The following WDR75 variants were observed in gnomAD, a reference collection of about 807,000 sequenced individuals.
WDR75 encodes the protein WD repeat domain 75, also known as WD repeat-containing protein 75.
A neutral mutation model predicts 106.1 loss-of-function variants in WDR75; 52 were observed. The ratio of observed to expected loss-of-function variants is 0.49; its 90% CI spans 0.39 to 0.62. The LOEUF (loss-of-function observed/expected upper bound fraction) is 0.62. Ranked by LOEUF, WDR75 falls within the 20% of genes least tolerant of loss-of-function variation. WDR75 has a pLI of 0.00. For missense variants in WDR75, 905 were observed against 970.3 expected, an observed-to-expected ratio of 0.93 and a Z score of 0.89; for synonymous variants, 333 against 335.5, an observed-to-expected ratio of 0.99 and a Z score of 0.08.
At chr2:189,446,714 C>G (rs572225210) in intron 1 of WDR75, among the ~76,000 whole-genome samples, 1 of 152,272 alleles carries the variant, frequency 6.6e-6, no homozygotes, top group Admixed American at 6.5e-5. Context: ...TGCCTAGAAC[C>G]ACAGGTAATA....
At chr2:189,462,791 C>G in intron 9 of WDR75, 149 bp downstream of exon 9, 1 of 671,864 alleles carries the variant, frequency 1.5e-6, no homozygotes. Flanking sequence ...CCTCTCTTTT[C>G]CACCCCTCTC....
Position 189,441,584 on chromosome 2 carries a change from A to AG in WDR75, c.86+10dup. The AG allele has an allele frequency of 6.4e-7, 1 of 1,553,838 alleles. No homozygotes were observed. Among genetic ancestry groups the AG allele is most frequent in the Non-Finnish European group, 8.7e-7 (1 of 1,147,952 alleles). ...GTGTTCTCTGCAGATTCTAAGTATG[A>AG]GGGGCACCGCGCTTTGTCGGCTGAG... On this transcript the variant is annotated splice_region_variant and intron_variant, in intron 1 of 20. Coordinates refer to ENST00000314761, the MANE Select transcript of WDR75 (RefSeq NM_032168.3).
intron 18 of WDR75, among the ~76,000 whole-genome samples, chr2:189,472,706 T>G (rs894473451): frequency 6.6e-6 from 1 of 152,224 alleles, no homozygotes; most frequent in Non-Finnish European, 1.5e-5. Context: ...TGTGCAGAAC[T>G]TATCCCTTGG....
At position 189,462,638 on chromosome 2, in the gene WDR75, T is replaced by C. The variant is rs1686918574; in HGVS notation, c.933T>C (p.Asp311=). The stretch of plus-strand genomic sequence containing the variant: ...ATTTATTCTGCACTTCTCACTCTGA[T>C]AATAGTAAGTCTAAATTTTTTATTA... The part of the protein sequence containing the change: ...AGDLFCTSHS[D]NKIIIIHRNL... Residue 311 remains aspartate (D), a synonymous_variant, in exon 9 of 21, where the codon GAT becomes GAC. Coordinates refer to ENST00000314761, the MANE Select transcript of WDR75 (RefSeq NM_032168.3). 1 of 1,613,324 alleles carries C rather than the reference T, an allele frequency of 6.2e-7. No individual in the cohort carries two copies. Among genetic ancestry groups the C allele is most frequent in the Non-Finnish European group, 8.5e-7 (1 of 1,179,644 alleles).
At chr2:189,467,760 G>A (rs1295709175) in intron 14 of WDR75, 112 bp downstream of exon 14, 10 of 1,000,078 alleles carry the variant, frequency 1.0e-5, no homozygotes, top group South Asian at 2.9e-5. Flanking sequence ...AGGTCAGTGG[G>A]GCAAGCAGCT....
At position 189,474,324 on chromosome 2, in the gene WDR75, A is replaced by G. The variant is rs774098060; in HGVS notation, c.2188A>G (p.Ile730Val). The G allele has an allele frequency of 7.5e-6, 12 of 1,607,952 alleles. No individual in the cohort carries two copies. In the South Asian group the frequency reaches 1.2e-4, roughly 17 times the overall value. The change falls in exon 19 of 21, where the codon ATT becomes GTT. Residue 730 changes from isoleucine (I) to valine (V), a missense_variant. Coordinates refer to ENST00000314761, the MANE Select transcript of WDR75 (RefSeq NM_032168.3). ...QLPLTENIPA[I>V]SELLHTPAHV... ...ACCCTTAACAGAAAACATACCCGCA[A>G]TTAGTGAGGTAAGTAATTATGAAAA...
Position 189,459,007 on chromosome 2 carries a change from G to A in WDR75, c.689+135G>A, listed in dbSNP as rs114718039. Reference sequence around the variant, plus strand: ...GTGTGCTTTTCATTTCATACTTACTGTTTTAGAATTTCTAGCCTTGGACTT... The same window carrying A: ...GTGTGCTTTTCATTTCATACTTACTATTTTAGAATTTCTAGCCTTGGACTT... On this transcript the variant is annotated intron_variant, in intron 7 of 20. Transcript: ENST00000314761. The A allele has an allele frequency of 4.1e-3, 4,736 of 1,163,746 alleles. 160 individuals carry two copies. The African/African-American group carries it at 0.069, about 17-fold the overall frequency. The allele number at this position is 1,163,746 out of a possible 1,614,324, so 72.1% of individuals were successfully genotyped here. A position where few individuals can be genotyped will look rare whatever the true frequency, so the allele number is the denominator to read the frequency against.
intron 6 of WDR75, among the ~76,000 whole-genome samples, chr2:189,458,113 G>T (rs571377857): frequency 1.3e-5 from 2 of 152,030 alleles, no homozygotes; most frequent in East Asian, 3.9e-4. Context: ...AGTAGAGACG[G>T]GGTTTCACCA....
intron 5 of WDR75, among the ~76,000 whole-genome samples, chr2:189,456,493 TG>T (rs1686738644): frequency 6.6e-6 from 1 of 151,988 alleles, no homozygotes. Context: ...AAAAAGATGA[TG>T]GATGATGTTG....
rs188517478 is a variant in WDR75 at position 189,469,244 on chromosome 2, T to C, written c.1724-100T>C. The C allele has an allele frequency of 1.4e-3, 1,249 of 873,944 alleles. 10 individuals are homozygous for C. The highest frequency in any genetic ancestry group is 6.9e-3 in the South Asian group (484 of 70,448). The allele number at this position is 873,944 out of a possible 1,614,324, so 54.1% of individuals were successfully genotyped here. A position where few individuals can be genotyped will look rare whatever the true frequency, so the allele number is the denominator to read the frequency against. ...TTCAGTGTGTCTCCATGTGTGTTAGTTGGAAGCATAAGATTCCTCTTCCTA... is the reference window on the plus strand; with the variant it reads ...TTCAGTGTGTCTCCATGTGTGTTAGCTGGAAGCATAAGATTCCTCTTCCTA... On this transcript the variant is annotated intron_variant, in intron 15 of 20. Coordinates refer to ENST00000314761, the MANE Select transcript of WDR75 (RefSeq NM_032168.3).
At chr2:189,449,249 A>C (rs902822204) in intron 2 of WDR75, 1 of 1,303,246 alleles carries the variant, frequency 7.7e-7, no homozygotes, top group African/African-American at 1.5e-5. Flanking sequence ...GATTAGTCAC[A>C]GCCAACTTGG....
At chr2:189,458,203 G>A (rs1357779326) in intron 6 of WDR75, among the ~76,000 whole-genome samples, 6 of 152,250 alleles carry the variant, frequency 3.9e-5, no homozygotes, top group African/African-American at 9.6e-5. Context: ...GATTACAGGC[G>A]TGAGCCACTG....
intron 12 of WDR75, 31 bp from the exon 13 acceptor site, chr2:189,466,394 A>G (rs1374305393): frequency 1.2e-6 from 2 of 1,608,822 alleles, no homozygotes; most frequent in South Asian, 2.2e-5. Context: ...GTCCTCATGC[A>G]AGAATAAATT....
intron 1 of WDR75, among the ~76,000 whole-genome samples, chr2:189,443,866 C>A (rs1373878564): frequency 6.6e-6 from 1 of 152,100 alleles, no homozygotes; most frequent in Non-Finnish European, 1.5e-5. Flanking sequence ...GGTTAGAAGA[C>A]CAGTGCAGGC....
intron 8 of WDR75, 103 bp from the exon 9 acceptor site, chr2:189,462,381 T>A: frequency 7.8e-7 from 1 of 1,282,426 alleles, no homozygotes; most frequent in Non-Finnish European, 1.1e-6. Flanking sequence ...TAAATGAGTT[T>A]ATTTCTCTAG....
At chr2:189,455,611 A>AT (rs145419930) in intron 5 of WDR75, 167 bp downstream of exon 5, 5 of 840,582 alleles carry the variant, frequency 5.9e-6, no homozygotes, top group East Asian at 2.8e-5. Flanking sequence ...TATGGTATAG[A>AT]TTTTTTTAGG....
intron 6 of WDR75, 24 bp downstream of exon 6, chr2:189,457,405 T>G (rs1686763427): frequency 1.4e-6 from 2 of 1,422,250 alleles, no homozygotes; most frequent in South Asian, 2.4e-5. Context: ...TTTATTAGCT[T>G]TATTTTATTT....
intron 1 of WDR75, among the ~76,000 whole-genome samples, chr2:189,441,969 C>CCACTCCT (rs2106106654): frequency 6.6e-6 from 1 of 152,210 alleles, no homozygotes; most frequent in South Asian, 2.1e-4. Flanking sequence ...CTTTTTCTAC[C>CCACTCCT]CACTCCTCAC....
intron 18 of WDR75, among the ~76,000 whole-genome samples, chr2:189,473,753 G>A (rs1471312648): frequency 6.6e-6 from 1 of 151,754 alleles, no homozygotes; most frequent in African/African-American, 2.4e-5. Flanking sequence ...GTATGAATTG[G>A]GATGCTTCTT....
Sources: allele counts gnomAD v4.1 joint callset (sites outside exome capture counted in the v4.1 genomes callset), GRCh38; gene constraint gnomAD v4.1.1; transcripts MANE v1.5; gene names NCBI Gene and HGNC (gene_info 2026-07-23, HGNC 2026-07-21).